Variants in ANKRD12 observed in about 807,000 individuals in gnomAD.
The protein encoded by ANKRD12 is ankyrin repeat domain 12, also known as ankyrin repeat domain-containing protein 12.
ANKRD12 carries 85 observed loss-of-function variants against 183.4 expected under a neutral mutation model. That is an observed-to-expected ratio of 0.46 (90% CI 0.39 to 0.56). The LOEUF is 0.56. ANKRD12 is among the 20% of genes least tolerant of loss of function. ANKRD12 has a pLI of 0.00. For missense variants in ANKRD12, 2,405 were observed against 2,357.1 expected, an observed-to-expected ratio of 1.02 and a Z score of -0.42; for synonymous variants, 914 against 800.2, an observed-to-expected ratio of 1.14 and a Z score of -2.40.
intron 1 of ANKRD12, chr18:9,137,778 G>C (rs750727426): frequency 1.3e-5 from 2 of 152,244 alleles, no homozygotes; most frequent in African/African-American, 4.8e-5. Flanking sequence ...AAGACCCCTG[G>C]AGCACGTCAG....
chr18:9,283,143 A>T lies in ANKRD12; in HGVS notation c.*2017A>T, dbSNP rs2040160473. 6.6e-6 allele frequency: 1 copy of T among 152,330 alleles called. No individual in the cohort carries two copies. Among genetic ancestry groups the T allele is most frequent in the Non-Finnish European group, 1.5e-5 (1 of 68,020 alleles). The allele number at this position is 152,330 out of a possible 1,614,324, so 9.4% of individuals were successfully genotyped here. Reference sequence around the variant, plus strand: ...GGGATACTGTGGCAAATCATAAAAAACCAGATAATTGAACTTTGAAGTTAT... The same window carrying T: ...GGGATACTGTGGCAAATCATAAAAATCCAGATAATTGAACTTTGAAGTTAT... On this transcript the variant is annotated 3_prime_UTR_variant, in exon 13 of 13. Transcript: ENST00000262126.
At chr18:9,150,929 A>G (rs920724202) in intron 1 of ANKRD12, among the ~76,000 whole-genome samples, 2 of 151,778 alleles carry the variant, frequency 1.3e-5, no homozygotes, top group African/African-American at 4.8e-5. Flanking sequence ...CTGGGATTAC[A>G]GGTGTAAGCC....
chr18:9,241,092 G>A lies in ANKRD12; in HGVS notation c.944-13119G>A, dbSNP rs576758844. Among the ~76,000 whole-genome samples, 5 of 152,218 alleles carry A rather than the reference G, an allele frequency of 3.3e-5. 1 individual carries two copies. In the South Asian group the frequency reaches 1.0e-3, roughly 32 times the overall value. The stretch of plus-strand genomic sequence containing the variant: ...CAGAATTTTTTATCAAATGGATTAT[G>A]TGATGTTAACAGTTCACCATAAGTA... On this transcript the variant is annotated intron_variant, in intron 8 of 12. Transcript: ENST00000262126.
intron 8 of ANKRD12, among the ~76,000 whole-genome samples, chr18:9,222,204 T>C (rs1323955694): frequency 6.6e-6 from 1 of 152,208 alleles, no homozygotes; most frequent in African/African-American, 2.4e-5. Flanking sequence ...GAAGTCATAA[T>C]GCCATTGCCC....
intron 8 of ANKRD12, chr18:9,239,419 T>A (rs1031332714): frequency 1.2e-6 from 1 of 810,262 alleles, no homozygotes; most frequent in Non-Finnish European, 1.8e-6. Flanking sequence ...AGAACCTTTT[T>A]GATTTTCACT....
rs141786865 is a variant in ANKRD12 at position 9,194,150 on chromosome 18, T to G, written c.88-1401T>G. ...GTAAATAATAGTGGTTCTCAAACTT[T>G]ACTATGCATCAAAATTATGTGGCAG... On this transcript the variant is annotated intron_variant, in intron 2 of 12. Transcript: ENST00000262126. Among the ~76,000 whole-genome samples, 21 of 152,258 alleles carry G rather than the reference T, an allele frequency of 1.4e-4. No individual in the cohort carries two copies. The East Asian group carries it at 4.1e-3, about 29-fold the overall frequency.
chr18:9,195,180 G>A (rs972466212), intron 2 of ANKRD12, among the ~76,000 whole-genome samples: 2 of 152,168 alleles, frequency 1.3e-5, no homozygotes, highest in African/African-American at 4.8e-5. Context: ...GGGCTTACTT[G>A]AGGGTGGAGG....
intron 10 of ANKRD12, among the ~76,000 whole-genome samples, chr18:9,265,154 C>T (rs952373033): frequency 3.3e-5 from 5 of 152,248 alleles, no homozygotes; most frequent in Non-Finnish European, 7.3e-5. Flanking sequence ...GAGCCCACTG[C>T]AGCTCAAGGA....
intron 1 of ANKRD12, among the ~76,000 whole-genome samples, chr18:9,171,589 A>G (rs117664559): frequency 0.019 from 2,961 of 152,154 alleles, 46 homozygotes; most frequent in Middle Eastern, 0.048. Flanking sequence ...TCCTTTCCAT[A>G]TTTAGTGCTT....
At chr18:9,207,014 A>T (rs1236778011) in intron 4 of ANKRD12, among the ~76,000 whole-genome samples, 1 of 152,072 alleles carries the variant, frequency 6.6e-6, no homozygotes, top group Non-Finnish European at 1.5e-5. Context: ...AAATTTTCAC[A>T]ATGTTAAATA....
chr18:9,177,836 A>T (rs1015604867), intron 1 of ANKRD12, among the ~76,000 whole-genome samples: 1 of 152,048 alleles, frequency 6.6e-6, no homozygotes, highest in African/African-American at 2.4e-5. Flanking sequence ...TCTCATTATT[A>T]ATTTTCCTGG....
At chr18:9,137,604 G>A (rs1214661665) in intron 1 of ANKRD12, 1 of 151,730 alleles carries the variant, frequency 6.6e-6, no homozygotes, top group Admixed American at 6.6e-5. Flanking sequence ...CCGGGTCCTG[G>A]GAGAGGTGGA....
intron 1 of ANKRD12, among the ~76,000 whole-genome samples, chr18:9,169,723 A>G (rs983970381): frequency 4.6e-5 from 7 of 152,148 alleles, no homozygotes; most frequent in African/African-American, 1.7e-4. Context: ...TTTAAAGTTA[A>G]TATTGTTACG....
chr18:9,153,962 C>T (rs775934658), intron 1 of ANKRD12, among the ~76,000 whole-genome samples: 3 of 152,146 alleles, frequency 2.0e-5, no homozygotes, highest in Non-Finnish European at 4.4e-5. Flanking sequence ...CTTAGTTCTG[C>T]ATGTTATCAG....
chr18:9,231,843 AG>A (rs1386317109), intron 8 of ANKRD12, among the ~76,000 whole-genome samples: 2 of 150,896 alleles, frequency 1.3e-5, no homozygotes, highest in Non-Finnish European at 3.0e-5. Flanking sequence ...AAAAAAAAAA[AG>A]ATATTTTATC....
chr18:9,279,435 A>G (rs1568011689), intron 11 of ANKRD12, 114 bp from the exon 12 acceptor site: 8 of 660,036 alleles, frequency 1.2e-5, no homozygotes. Context: ...TATATTTCTC[A>G]AAATATATTT....
At chr18:9,185,491 G>A (rs1252098891) in intron 2 of ANKRD12, among the ~76,000 whole-genome samples, 1 of 152,202 alleles carries the variant, frequency 6.6e-6, no homozygotes, top group African/African-American at 2.4e-5. Context: ...GAAAGAACAG[G>A]TTGTTTTGAA....
At chr18:9,241,580 G>A (rs1418876360) in intron 8 of ANKRD12, among the ~76,000 whole-genome samples, 5 of 152,150 alleles carry the variant, frequency 3.3e-5, no homozygotes, top group African/African-American at 1.2e-4. Context: ...TGTGATGTGA[G>A]TGCTTAGAAA....
chr18:9,147,438 C>T (rs905694048), intron 1 of ANKRD12, among the ~76,000 whole-genome samples: 29 of 150,352 alleles, frequency 1.9e-4, no homozygotes, highest in African/African-American at 6.9e-4. Flanking sequence ...GCAGAGGGGG[C>T]AAAAATAAAA....
Sources: allele counts gnomAD v4.1 joint callset (sites outside exome capture counted in the v4.1 genomes callset), GRCh38; gene constraint gnomAD v4.1.1; transcripts MANE v1.5; gene names NCBI Gene and HGNC (gene_info 2026-07-23, HGNC 2026-07-21).